Variants in NRXN2 observed in about 807,000 individuals in gnomAD.
NRXN2 encodes neurexin 2, also known as neurexin-2-beta.
A neutral mutation model predicts 128.8 loss-of-function variants in NRXN2; 29 were observed. The ratio of observed to expected loss-of-function variants is 0.23; its 90% CI spans 0.17 to 0.31. NRXN2 has a LOEUF of 0.31. Among genes scored for constraint, NRXN2 ranks in the 10% least tolerant of loss-of-function variants. The pLI, the probability that NRXN2 is intolerant of heterozygous loss-of-function variation, is 1.00. For synonymous variants in NRXN2, 1,098 were observed against 1,075.2 expected, an observed-to-expected ratio of 1.02 and a Z score of -0.41; for missense variants, 1,881 against 2,452.6, an observed-to-expected ratio of 0.77 and a Z score of 4.92.
At chr11:64,669,412 C>T (rs182962703) in intron 7 of NRXN2, among the ~76,000 whole-genome samples, 4 of 152,280 alleles carry the variant, frequency 2.6e-5, no homozygotes, top group Non-Finnish European at 5.9e-5. Flanking sequence ...TGTCTACTGA[C>T]ACCACTAGAG....
At position 64,630,306 on chromosome 11, in the gene NRXN2, A is replaced by G; in HGVS notation, c.3757+96T>C. The G allele has an allele frequency of 1.7e-6, 2 of 1,153,030 alleles. No individual in the cohort carries two copies. The highest frequency in any genetic ancestry group is 2.4e-6 in the Non-Finnish European group (2 of 840,052). The allele number at this position is 1,153,030 out of a possible 1,614,324, so 71.4% of individuals were successfully genotyped here. ...CCCCAGAGCCGCTTAGCCCCGCCCC[A>G]GAGCCGCTTAGCCCCGCCCCGGTGC... On this transcript the variant is annotated intron_variant, in intron 19 of 22. Coordinates refer to ENST00000265459, the MANE Select transcript of NRXN2 (RefSeq NM_015080.4). The surrounding 1 kb of genome is among the most constrained non-coding windows in gnomAD (Gnocchi z 4.6).
At chr11:64,721,647 C>A (rs1565490139) in intron 1 of NRXN2, among the ~76,000 whole-genome samples, 1 of 152,120 alleles carries the variant, frequency 6.6e-6, no homozygotes, top group Non-Finnish European at 1.5e-5. Flanking sequence ...TTCCCTCTCC[C>A]TTCTTTCTTT....
chr11:64,612,297 C>T (rs1468855991), intron 22 of NRXN2, among the ~76,000 whole-genome samples: 1 of 151,274 alleles, frequency 6.6e-6, no homozygotes, highest in Non-Finnish European at 1.5e-5. Flanking sequence ...CACAATGACT[C>T]ATGGTCCAGC....
intron 18 of NRXN2, among the ~76,000 whole-genome samples, chr11:64,634,059 G>A (rs938006090): frequency 7.2e-5 from 11 of 152,138 alleles, no homozygotes; most frequent in African/African-American, 2.2e-4. Flanking sequence ...CAGTGGCTGC[G>A]TTCCCAAGCA....
chr11:64,633,445 C>T (rs953702402), intron 18 of NRXN2, among the ~76,000 whole-genome samples: 14 of 152,202 alleles, frequency 9.2e-5, no homozygotes. Flanking sequence ...GCTCAGACAG[C>T]TGCGGTGACT....
At position 64,676,993 on chromosome 11, in the gene NRXN2, C is replaced by G. The variant is rs1429482291; in HGVS notation, c.1197G>C (p.Leu399=). ...GHAMVNKLHY[L]VTISVDGILT... ...GTAAGACAATTAGAGTGATATCTACCAGATAATGCAGTTTGTTTACCATAG... is the reference window on the plus strand; with the variant it reads ...GTAAGACAATTAGAGTGATATCTACGAGATAATGCAGTTTGTTTACCATAG... The change falls in exon 7 of 23, where the codon CTG becomes CTC. Residue 399 remains leucine (L), a splice_region_variant and synonymous_variant. Coordinates refer to ENST00000265459, the MANE Select transcript of NRXN2 (RefSeq NM_015080.4). 1.2e-6 allele frequency: 2 copies of G among 1,612,040 alleles called. No individual in the cohort carries two copies. The highest frequency in any genetic ancestry group is 1.7e-6 in the Non-Finnish European group (2 of 1,179,442).
chr11:64,694,650 C>T (rs1320416333), intron 3 of NRXN2, among the ~76,000 whole-genome samples: 1 of 152,146 alleles, frequency 6.6e-6, no homozygotes, highest in Non-Finnish European at 1.5e-5. Flanking sequence ...AGGACCCAAG[C>T]ATTTGAACCG....
rs949268658 is a variant in NRXN2, at chr11:64,650,731, G to A, written c.2919-93C>T. On this transcript the variant is annotated intron_variant, in intron 14 of 22. Transcript: ENST00000265459. The stretch of plus-strand genomic sequence containing the variant: ...GAGCTATGGCTGGCAGGGGTCCTAG[G>A]TGCCATGGGAAGAGGGATTGAAAGG... The A allele has an allele frequency of 2.3e-5, 29 of 1,246,230 alleles. No individual in the cohort carries two copies. In the South Asian group the frequency reaches 2.5e-4, roughly 11 times the overall value. The allele number at this position is 1,246,230 out of a possible 1,614,324, so 77.2% of individuals were successfully genotyped here. A position where few individuals can be genotyped will look rare whatever the true frequency, so the allele number is the denominator to read the frequency against.
chr11:64,622,272 G>T lies in NRXN2; in HGVS notation c.4173+481C>A, dbSNP rs1340237860. 6.6e-6 allele frequency among the ~76,000 whole-genome samples: 1 copy of T among 152,134 alleles called. No homozygotes were observed. The highest frequency in any genetic ancestry group is 1.5e-5 in the Non-Finnish European group (1 of 67,996). ...AGCTTCCACCAGCCTCTGGAGAGGG[G>T]CTGCCCATGCCAGGTGACTGCATCC... On this transcript the variant is annotated intron_variant, in intron 21 of 22. Coordinates refer to ENST00000265459, the MANE Select transcript of NRXN2 (RefSeq NM_015080.4). The surrounding 1 kb of genome is among the most constrained non-coding windows in gnomAD (Gnocchi z 4.3).
intron 7 of NRXN2, among the ~76,000 whole-genome samples, chr11:64,672,337 C>A (rs544956725): frequency 6.6e-5 from 10 of 152,348 alleles, no homozygotes; most frequent in African/African-American, 2.4e-4. Context: ...TTGGTGGGCA[C>A]TCCATGTCCA....
At chr11:64,683,619 C>CAAA (rs146075955) in intron 6 of NRXN2, among the ~76,000 whole-genome samples, 1 of 75,680 alleles carries the variant, frequency 1.3e-5, no homozygotes, top group Non-Finnish European at 3.3e-5. Flanking sequence ...GACTCCATCT[C>CAAA]AAAAAAAAAA....
intron 12 of NRXN2, among the ~76,000 whole-genome samples, chr11:64,652,529 C>T (rs1401819352): frequency 1.3e-5 from 2 of 152,146 alleles, no homozygotes; most frequent in African/African-American, 4.8e-5. Context: ...CATACTCTTC[C>T]CCCAGATTCC....
At chr11:64,716,385 T>G (rs1325323482) in intron 1 of NRXN2, among the ~76,000 whole-genome samples, 1 of 149,800 alleles carries the variant, frequency 6.7e-6, no homozygotes, top group South Asian at 2.2e-4. Context: ...GGGCAGGAAG[T>G]TGGGGGAGGA....
chr11:64,720,679 G>C (rs987286513), intron 1 of NRXN2, among the ~76,000 whole-genome samples: 28 of 152,188 alleles, frequency 1.8e-4, no homozygotes, highest in African/African-American at 6.5e-4. Flanking sequence ...AACATGTGCT[G>C]GTGTGCACAC....
intron 2 of NRXN2, among the ~76,000 whole-genome samples, chr11:64,710,874 G>A (rs1162335840): frequency 1.3e-5 from 2 of 151,936 alleles, no homozygotes; most frequent in African/African-American, 4.8e-5. Flanking sequence ...CCAGACTCGC[G>A]GGCCTCTACA....
At chr11:64,659,093 C>A (rs138300558) in intron 11 of NRXN2, among the ~76,000 whole-genome samples, 1 of 152,192 alleles carries the variant, frequency 6.6e-6, no homozygotes, top group African/African-American at 2.4e-5. Context: ...TCAGAAGAGC[C>A]CTGCTTCCCC....
chr11:64,663,838 G>C lies in NRXN2; in HGVS notation c.1799-2699C>G, dbSNP rs961344141. On this transcript the variant is annotated intron_variant, in intron 9 of 22. Transcript: ENST00000265459. ...GGATAAATGCAACGTGTATATCCAG[G>C]CAATGGAATATTATTCAGCCCTAAA... Among the ~76,000 whole-genome samples the C allele has an allele frequency of 9.2e-5, 14 of 152,300 alleles. No individual in the cohort carries two copies. The East Asian group carries it at 2.7e-3, about 29-fold the overall frequency.
At chr11:64,643,281 C>G (rs2046046765) in intron 17 of NRXN2, 1 of 970,244 alleles carries the variant, frequency 1.0e-6, no homozygotes, top group Non-Finnish European at 1.2e-6. Flanking sequence ...GGCGGGAGAC[C>G]GACGGCGACT....
At chr11:64,644,937 G>C (rs1300866527) in intron 17 of NRXN2, among the ~76,000 whole-genome samples, 2 of 152,154 alleles carry the variant, frequency 1.3e-5, no homozygotes, top group Non-Finnish European at 2.9e-5. Flanking sequence ...TCAGGACCCA[G>C]GACATCTCCC....
Sources: gnomAD v4.1 joint callset for allele counts (sites outside exome capture counted in the v4.1 genomes callset) on GRCh38, gnomAD v4.1.1 for gene constraint, Gnocchi (gnomAD v3.1) non-coding constraint, MANE v1.5 for transcripts, NCBI Gene and HGNC (gene_info 2026-07-23, HGNC 2026-07-21) for gene names.